TRPM6: variants seen among roughly 807,000 people sequenced by gnomAD.
The protein encoded by TRPM6 is channel kinase 2.
TRPM6 carries 111 observed loss-of-function variants against 247.6 expected under a neutral mutation model. The ratio of observed to expected loss-of-function variants is 0.45; its 90% CI spans 0.38 to 0.52. The LOEUF (loss-of-function observed/expected upper bound fraction) is 0.52, where lower values mean the gene tolerates loss of function less well. Ranked by LOEUF, TRPM6 falls within the 20% of genes least tolerant of loss-of-function variation. The pLI is 0.00. For synonymous variants in TRPM6, 892 were observed against 853.8 expected (o/e 1.04, Z -0.78); for missense variants, 2,126 against 2,421.5 (o/e 0.88, Z 2.56).
chr9:74,750,041 T>C (rs754475610), intron 30 of TRPM6, among the ~76,000 whole-genome samples: 29 of 152,200 alleles, frequency 1.9e-4, no homozygotes, highest in Non-Finnish European at 3.1e-4. Flanking sequence ...CTTTGCTTGG[T>C]TGATTTACAA....
At chr9:74,792,037 G>A (rs939563190) in intron 19 of TRPM6, among the ~76,000 whole-genome samples, 9 of 152,176 alleles carry the variant, frequency 5.9e-5, no homozygotes, top group Admixed American at 2.6e-4. Context: ...AATTACAGGC[G>A]TGAGCCACCA....
At position 74,816,774 on chromosome 9, in the gene TRPM6, G is replaced by A. The variant is rs367567983; in HGVS notation, c.1208-5C>T. Reference sequence around the variant, plus strand: ...CTGACGCTGATAAATTTGTGCCTAGGGTAAAAGAAAGGAACAATCATATAT... The same window carrying A: ...CTGACGCTGATAAATTTGTGCCTAGAGTAAAAGAAAGGAACAATCATATAT... On this transcript the variant is annotated splice_polypyrimidine_tract_variant and splice_region_variant and intron_variant, in intron 10 of 38. Coordinates refer to ENST00000360774, the MANE Select transcript of TRPM6 (RefSeq NM_017662.5). 6 of 1,613,708 alleles carry A rather than the reference G, an allele frequency of 3.7e-6. No homozygotes were observed. The African/African-American group carries it at 8.0e-5, about 22-fold the overall frequency.
chr9:74,733,166 C>T (rs1340909060), intron 36 of TRPM6, among the ~76,000 whole-genome samples: 45 of 150,798 alleles, frequency 3.0e-4, no homozygotes, highest in Admixed American at 3.0e-3. Flanking sequence ...CACGCCACTG[C>T]ATTCAAGCCT....
At chr9:74,842,070 C>G in intron 4 of TRPM6, 96 bp downstream of exon 4, 24 of 1,373,028 alleles carry the variant, frequency 1.7e-5, no homozygotes, top group Non-Finnish European at 2.4e-5. Context: ...GAGATCGTGC[C>G]ATTGCACTCC....
intron 1 of TRPM6, among the ~76,000 whole-genome samples, chr9:74,870,055 A>G (rs749963097): frequency 2.6e-5 from 4 of 152,190 alleles, no homozygotes; most frequent in Non-Finnish European, 5.9e-5. Context: ...ACCCATGTGC[A>G]TTCACAGACC....
rs7466886 is a variant in TRPM6 at position 74,831,366 on chromosome 9, T to C, written c.669+2632A>G. Reference sequence around the variant, plus strand: ...TTAGCTGGGTGTGGTAGCGGGTGCCTGTTATCCCAGCTACTTGGGAGGCTG... The same window carrying C: ...TTAGCTGGGTGTGGTAGCGGGTGCCCGTTATCCCAGCTACTTGGGAGGCTG... On this transcript the variant is annotated intron_variant, in intron 6 of 38. Transcript: ENST00000360774. Among the ~76,000 whole-genome samples the C allele has an allele frequency of 2.4e-3, 367 of 152,256 alleles. 4 individuals are homozygous for C. The highest frequency in any genetic ancestry group is 8.5e-3 in the African/African-American group (354 of 41,552).
chr9:74,821,522 C>A lies in TRPM6; in HGVS notation c.1010+147G>T, dbSNP rs1221236598. On this transcript the variant is annotated intron_variant, in intron 8 of 38. Coordinates refer to ENST00000360774, the MANE Select transcript of TRPM6 (RefSeq NM_017662.5). ...CGCTGAAGGGCATTTTGATGTTGAA[C>A]AACAAACACAGTCACTGAGAAATGA... 7.2e-6 allele frequency: 7 copies of A among 977,392 alleles called. No homozygotes were observed. In the East Asian group the frequency reaches 1.5e-4, roughly 20 times the overall value. The allele number at this position is 977,392 out of a possible 1,614,324, so 60.5% of individuals were successfully genotyped here.
intron 17 of TRPM6, among the ~76,000 whole-genome samples, chr9:74,799,137 A>G (rs1828210054): frequency 6.6e-6 from 1 of 152,152 alleles, no homozygotes; most frequent in African/African-American, 2.4e-5. Flanking sequence ...TTTTCTTTAA[A>G]AGGATTTATG....
At chr9:74,865,639 A>G (rs942033546) in intron 1 of TRPM6, among the ~76,000 whole-genome samples, 10 of 152,230 alleles carry the variant, frequency 6.6e-5, no homozygotes, top group Non-Finnish European at 1.0e-4. Context: ...ATCTATGTAC[A>G]CAGATGGTCT....
chr9:74,732,888 G>C, intron 36 of TRPM6, 152 bp from the exon 37 acceptor site: 1 of 670,994 alleles, frequency 1.5e-6, no homozygotes, highest in Non-Finnish European at 2.6e-6. Context: ...TCACCACTAA[G>C]CAATACTGGC....
intron 3 of TRPM6, among the ~76,000 whole-genome samples, chr9:74,851,057 T>A (rs757978079): frequency 9.9e-5 from 15 of 152,250 alleles, no homozygotes; most frequent in Non-Finnish European, 1.9e-4. Context: ...TCAGCTTAAG[T>A]ATATTTCTAT....
chr9:74,740,028 G>A lies in TRPM6; in HGVS notation c.5201-19C>T, dbSNP rs7872289. On this transcript the variant is annotated intron_variant, in intron 33 of 38. Transcript: ENST00000360774. The stretch of plus-strand genomic sequence containing the variant: ...TCTCCTGCTGCAAAGAGAAGTGAAG[G>A]CTAGGAATTCAATAAGATTGCCATG... 1 of 1,612,552 alleles carries A rather than the reference G, an allele frequency of 6.2e-7. No homozygotes were observed.
intron 23 of TRPM6, among the ~76,000 whole-genome samples, chr9:74,778,855 T>A (rs1387716971): frequency 1.3e-5 from 2 of 151,948 alleles, no homozygotes; most frequent in African/African-American, 4.8e-5. Flanking sequence ...CAACCTCGAG[T>A]GTACACCCCT....
At chr9:74,875,521 C>T (rs920306466) in intron 1 of TRPM6, among the ~76,000 whole-genome samples, 11 of 151,926 alleles carry the variant, frequency 7.2e-5, no homozygotes, top group East Asian at 3.9e-4. Flanking sequence ...CCAGCCTGGG[C>T]GACAGAGCTT....
intron 38 of TRPM6, among the ~76,000 whole-genome samples, chr9:74,725,318 C>T (rs1288963069): frequency 6.6e-6 from 1 of 151,894 alleles, no homozygotes; most frequent in African/African-American, 2.4e-5. Flanking sequence ...ATGTTTGTGA[C>T]CTTTTTGTGC....
At chr9:74,808,844 T>C (rs1213543835) in intron 13 of TRPM6, among the ~76,000 whole-genome samples, 1 of 152,236 alleles carries the variant, frequency 6.6e-6, no homozygotes, top group Non-Finnish European at 1.5e-5. Flanking sequence ...TGCAGCCACG[T>C]TCTTCCTTGA....
chr9:74,881,241 T>C (rs980950428), intron 1 of TRPM6, among the ~76,000 whole-genome samples: 1 of 151,998 alleles, frequency 6.6e-6, no homozygotes, highest in Non-Finnish European at 1.5e-5. Flanking sequence ...TGGAAAAAGA[T>C]ATTCCACGCA....
chr9:74,745,698 A>G (rs1462105502), intron 31 of TRPM6, among the ~76,000 whole-genome samples: 1 of 152,160 alleles, frequency 6.6e-6, no homozygotes. Flanking sequence ...ATGTTTAAGG[A>G]GAGTGTAGCC....
chr9:74,764,714 C>T (rs1826768050), intron 25 of TRPM6, among the ~76,000 whole-genome samples: 1 of 152,062 alleles, frequency 6.6e-6, no homozygotes, highest in Non-Finnish European at 1.5e-5. Flanking sequence ...GAGTTGATTA[C>T]ATAAAAAGAA....
Sources: allele counts gnomAD v4.1 joint callset (sites outside exome capture counted in the v4.1 genomes callset), GRCh38; gene constraint gnomAD v4.1.1; transcripts MANE v1.5; gene names NCBI Gene and HGNC (gene_info 2026-07-23, HGNC 2026-07-21).